The following ST6GALNAC3 variants were observed in gnomAD, a reference collection of about 807,000 sequenced individuals.
The protein encoded by ST6GALNAC3 is alpha-N-acetylgalactosaminide alpha-2,6-sialyltransferase 3.
A neutral mutation model predicts 32.7 loss-of-function variants in ST6GALNAC3; 25 were observed. The ratio of observed to expected loss-of-function variants is 0.76; its 90% confidence interval spans 0.56 to 1.07. The LOEUF (loss-of-function observed/expected upper bound fraction) is 1.07, where lower values mean the gene tolerates loss of function less well. ST6GALNAC3 is among the 50% of genes least tolerant of loss of function. ST6GALNAC3 has a pLI of 0.00. For synonymous variants in ST6GALNAC3, 129 were observed against 133.1 expected, an observed-to-expected ratio of 0.97 and a Z score of 0.21; for missense variants, 355 against 382.4, an observed-to-expected ratio of 0.93 and a Z score of 0.60.
chr1:76,489,351 A>G (rs1209753772), intron 3 of ST6GALNAC3, among the ~76,000 whole-genome samples: 1 of 152,052 alleles, frequency 6.6e-6, no homozygotes, highest in African/African-American at 2.4e-5. Context: ...AGTATGTACT[A>G]TGTGACAGGC....
chr1:76,298,914 G>A (rs2100841072), intron 1 of ST6GALNAC3, among the ~76,000 whole-genome samples: 1 of 152,080 alleles, frequency 6.6e-6, no homozygotes, highest in Non-Finnish European at 1.5e-5. Flanking sequence ...TGTATTGTCT[G>A]CTCTGCTGAA....
intron 1 of ST6GALNAC3, among the ~76,000 whole-genome samples, chr1:76,190,818 T>A (rs1653849736): frequency 6.6e-6 from 1 of 152,174 alleles, no homozygotes; most frequent in African/African-American, 2.4e-5. Flanking sequence ...GTTTTTATAT[T>A]TATTTGATAT....
intron 1 of ST6GALNAC3, among the ~76,000 whole-genome samples, chr1:76,169,742 A>G (rs1367353396): frequency 1.3e-5 from 2 of 152,246 alleles, no homozygotes; most frequent in South Asian, 2.1e-4. Flanking sequence ...CACTTGGTCT[A>G]TTCTGCTATT....
chr1:76,207,799 A>T (rs530073703), intron 1 of ST6GALNAC3, among the ~76,000 whole-genome samples: 1 of 152,378 alleles, frequency 6.6e-6, no homozygotes, highest in African/African-American at 2.4e-5. Context: ...ATTGATGGTA[A>T]ATAATGAATG....
chr1:76,563,609 T>C (rs765436912), intron 3 of ST6GALNAC3, among the ~76,000 whole-genome samples: 6 of 152,150 alleles, frequency 3.9e-5, no homozygotes, highest in Non-Finnish European at 8.8e-5. Context: ...ATAACAATAA[T>C]AAAGTTATTT....
intron 3 of ST6GALNAC3, among the ~76,000 whole-genome samples, chr1:76,567,908 G>T (rs1227201240): frequency 6.6e-6 from 1 of 152,110 alleles, no homozygotes; most frequent in African/African-American, 2.4e-5. Flanking sequence ...ATATATATTT[G>T]CCCTGAGCAA....
In ST6GALNAC3 at chr1:76,544,446, A is replaced by T. The variant is rs543999102; in HGVS notation, c.624-83006A>T. On this transcript the variant is annotated intron_variant, in intron 3 of 4. Coordinates refer to ENST00000328299, the MANE Select transcript of ST6GALNAC3 (RefSeq NM_152996.4). The stretch of plus-strand genomic sequence containing the variant: ...CCTAGATATGACCTGTGTGATGGCC[A>T]TGGTGCAAGTAACTAGTTGGATTTA... Among the ~76,000 whole-genome samples, 4 of 152,326 alleles carry T rather than the reference A, an allele frequency of 2.6e-5. No homozygotes were observed. In the South Asian group the frequency reaches 8.3e-4, roughly 32 times the overall value.
At chr1:76,082,410 C>A (rs1646909064) in intron 1 of ST6GALNAC3, among the ~76,000 whole-genome samples, 1 of 152,104 alleles carries the variant, frequency 6.6e-6, no homozygotes, top group South Asian at 2.1e-4. Flanking sequence ...CCAATTAGCG[C>A]CTTCACCTGA....
chr1:76,400,437 AACAG>A (rs1653317408), intron 2 of ST6GALNAC3, among the ~76,000 whole-genome samples: 1 of 152,332 alleles, frequency 6.6e-6, no homozygotes, highest in Middle Eastern at 3.4e-3. Flanking sequence ...TATAACAGCC[AACAG>A]ACAAACTATG....
intron 3 of ST6GALNAC3, among the ~76,000 whole-genome samples, chr1:76,503,660 T>G (rs1404117360): frequency 6.6e-6 from 1 of 152,238 alleles, no homozygotes; most frequent in Non-Finnish European, 1.5e-5. Flanking sequence ...TGGACAAGTG[T>G]GCTAGACACT....
At chr1:76,114,422 G>A (rs999420367) in intron 1 of ST6GALNAC3, among the ~76,000 whole-genome samples, 2 of 152,046 alleles carry the variant, frequency 1.3e-5, no homozygotes, top group African/African-American at 4.8e-5. Context: ...CCAGGTCCAG[G>A]GTAGTGTACA....
chr1:76,416,034 AACACACAC>A (rs60710007), intron 3 of ST6GALNAC3, among the ~76,000 whole-genome samples: 2,108 of 144,376 alleles, frequency 0.015, 30 homozygotes, highest in African/African-American at 0.038. Context: ...TTTATTCCAC[AACACACAC>A]ACACACACAC....
At chr1:76,225,315 A>T (rs1022734770) in intron 1 of ST6GALNAC3, among the ~76,000 whole-genome samples, 1 of 152,162 alleles carries the variant, frequency 6.6e-6, no homozygotes, top group Non-Finnish European at 1.5e-5. Flanking sequence ...AAATTTCATA[A>T]TTGGAAACCT....
intron 1 of ST6GALNAC3, among the ~76,000 whole-genome samples, chr1:76,218,475 G>T (rs1655595143): frequency 6.6e-6 from 1 of 152,208 alleles, no homozygotes; most frequent in African/African-American, 2.4e-5. Flanking sequence ...AGCTGGTATG[G>T]TGAGGATAAC....
chr1:76,208,290 A>C (rs544677146), intron 1 of ST6GALNAC3, among the ~76,000 whole-genome samples: 1 of 152,258 alleles, frequency 6.6e-6, no homozygotes, highest in African/African-American at 2.4e-5. Flanking sequence ...TCATTAAAAC[A>C]GTGATTCAGT....
chr1:76,529,593 T>C (rs1053184394), intron 3 of ST6GALNAC3, among the ~76,000 whole-genome samples: 1 of 152,218 alleles, frequency 6.6e-6, no homozygotes, highest in Non-Finnish European at 1.5e-5. Context: ...TCTCTACTTT[T>C]CTCATACCAG....
Position 76,178,839 on chromosome 1 carries a change from C to T in ST6GALNAC3, c.18+103955C>T, listed in dbSNP as rs142744528. The stretch of plus-strand genomic sequence containing the variant: ...TTCCCAGGGCCACAGAAAGGAAGCC[C>T]ATGCTGAATAATCCAGATTTAAGCC... On this transcript the variant is annotated intron_variant, in intron 1 of 4. Transcript: ENST00000328299. 5.5e-3 allele frequency among the ~76,000 whole-genome samples: 838 copies of T among 152,282 alleles called. 13 individuals are homozygous for T. The highest frequency in any genetic ancestry group is 0.019 in the African/African-American group (800 of 41,570).
chr1:76,315,063 C>T (rs1334126768), intron 2 of ST6GALNAC3, among the ~76,000 whole-genome samples: 1 of 151,240 alleles, frequency 6.6e-6, no homozygotes, highest in Non-Finnish European at 1.5e-5. Flanking sequence ...ATTTACAGGC[C>T]TTTATTAGAA....
At chr1:76,096,918 C>CTTTT (rs545909921) in intron 1 of ST6GALNAC3, among the ~76,000 whole-genome samples, 3 of 130,716 alleles carry the variant, frequency 2.3e-5, no homozygotes, top group African/African-American at 2.8e-5. Context: ...AGTCATAGAG[C>CTTTT]TTTTTTTTTT....
Sources: allele counts gnomAD v4.1 joint callset (sites outside exome capture counted in the v4.1 genomes callset), GRCh38; gene constraint gnomAD v4.1.1; transcripts MANE v1.5; gene names NCBI Gene and HGNC (gene_info 2026-07-23, HGNC 2026-07-21).